The following RALGDS variants were observed in gnomAD, a reference collection of about 807,000 sequenced individuals.
The protein encoded by RALGDS is ral guanine nucleotide exchange factor.
RALGDS carries 44 observed loss-of-function variants against 99.8 expected under a neutral mutation model. That is an observed-to-expected ratio of 0.44 (90% confidence interval 0.35 to 0.57). The LOEUF (loss-of-function observed/expected upper bound fraction) is 0.57. RALGDS is among the 20% of genes least tolerant of loss of function. The pLI is 0.01. For synonymous variants in RALGDS, 529 were observed against 505.0 expected, an observed-to-expected ratio of 1.05 and a Z score of -0.64; for missense variants, 1,022 against 1,203.1, an observed-to-expected ratio of 0.85 and a Z score of 2.23.
At chr9:133,146,971 G>A (rs1448593890) in intron 1 of RALGDS, among the ~76,000 whole-genome samples, 2 of 152,220 alleles carry the variant, frequency 1.3e-5, no homozygotes, top group African/African-American at 4.8e-5. Flanking sequence ...TGAGACCTGG[G>A]GGCAGAGGCA....
Position 133,101,537 on chromosome 9 carries a change from T to G in RALGDS, c.2437A>C (p.Met813Leu), listed in dbSNP as rs773910354. 1 of 1,612,214 alleles carries G rather than the reference T, an allele frequency of 6.2e-7. No homozygotes were observed. The highest frequency in any genetic ancestry group is 1.1e-5 in the South Asian group (1 of 91,090). The change falls in exon 16 of 18, where the codon ATG becomes CTG. Residue 813 changes from methionine (M) to leucine (L), a missense_variant. Coordinates refer to ENST00000372050, the MANE Select transcript of RALGDS (RefSeq NM_006266.4). ...CGGCTTACCAGGATGCTCTTGTACA[T>G]GTTGCCATTGTCCACGTCCAGGCTG... Reference protein sequence around the residue: ...RVSLDVDNGNMYKSILVTSQD... With the variant: ...RVSLDVDNGNLYKSILVTSQD...
rs548991085 is a variant in RALGDS, at chr9:133,136,917, C to T, written c.18+12046G>A. 5.3e-5 allele frequency among the ~76,000 whole-genome samples: 8 copies of T among 151,996 alleles called. No homozygotes were observed. The South Asian group carries it at 6.2e-4, about 12-fold the overall frequency. The stretch of plus-strand genomic sequence containing the variant: ...GCACCACTGCATACTCCAGCCTAGG[C>T]GACAGAGCAAGACTTCGTCTCAAAA... On this transcript the variant is annotated intron_variant, in intron 1 of 17. Coordinates refer to the RALGDS transcript ENST00000393160.
In RALGDS at chr9:133,110,451, G is replaced by C. The variant is rs762952765; in HGVS notation, c.333C>G (p.Cys111Trp). 1.9e-5 allele frequency: 30 copies of C among 1,613,276 alleles called. No individual in the cohort carries two copies. Among genetic ancestry groups the C allele is most frequent in the African/African-American group, 4.0e-5 (3 of 74,934 alleles). Residue 111 changes from cysteine (C) to tryptophan (W), a missense_variant, in exon 3 of 18, where the codon TGC becomes TGG. Coordinates refer to ENST00000372050, the MANE Select transcript of RALGDS (RefSeq NM_006266.4). The stretch of plus-strand genomic sequence containing the variant: ...TGCCAGCCTTCACGGTCCGCACCTT[G>C]CAAGTCTCATAAAGGTTCAGGGCCG... ...NESALNLYET[C>W]KVRTVKAGTL...
intron 1 of RALGDS, among the ~76,000 whole-genome samples, chr9:133,138,615 T>G (rs1308445783): frequency 6.6e-6 from 1 of 152,188 alleles, no homozygotes; most frequent in Non-Finnish European, 1.5e-5. Context: ...GCCCTCCTCA[T>G]GGTCACGGCT....
rs563966221 is a variant in RALGDS, at chr9:133,144,067, T to TG, written c.18+4895dup. 8.5e-4 allele frequency among the ~76,000 whole-genome samples: 130 copies of TG among 152,136 alleles called. No homozygotes were observed. In the East Asian group the frequency reaches 0.025, roughly 29 times the overall value. ...CTGAGGCAGGGTCTGGGGCTGGGGT[T>TG]GGGGGGAAGGACCCCTCAAGTCTCT... On this transcript the variant is annotated intron_variant, in intron 1 of 17. Coordinates refer to the RALGDS transcript ENST00000393160. This position sits in a 1 kb window ranked among gnomAD's most constrained non-coding sequence, Gnocchi z 4.5.
chr9:133,132,115 CT>C (rs1832344518), upstream of RALGDS, among the ~76,000 whole-genome samples: 3 of 152,242 alleles, frequency 2.0e-5, no homozygotes, highest in Admixed American at 1.3e-4. Context: ...CTGCCCAGTG[CT>C]CAGAGTGTGG....
rs1336503155 is a variant in RALGDS at position 133,097,804 on chromosome 9, TAAAC to T, written c.*779_*782del. ...ATAAATATTGCCCCTCCCCAATCAG[TAAAC>T]AAACATTTTTTTTTTCTTTTTGCTT... is the stretch of plus-strand genomic sequence containing the variant. On this transcript the variant is annotated 3_prime_UTR_variant, in exon 18 of 18. Transcript: ENST00000372050. 4.9e-5 allele frequency: 11 copies of T among 225,420 alleles called. No homozygotes were observed. Among genetic ancestry groups the T allele is most frequent in the East Asian group, 4.5e-4 (7 of 15,648 alleles). 14.0% of individuals were successfully genotyped at this position (225,420 alleles called of 1,614,324 possible).
At position 133,097,864 on chromosome 9, in the gene RALGDS, A is replaced by G. The variant is rs1432420677; in HGVS notation, c.*723T>C. On this transcript the variant is annotated 3_prime_UTR_variant, in exon 18 of 18. Coordinates refer to ENST00000372050, the MANE Select transcript of RALGDS (RefSeq NM_006266.4). ...ACAAATATTCAATCACCCCACCCCC[A>G]CCCCAAATCCTCCTTCCTCACTAAC... The G allele has an allele frequency of 1.4e-5, 2 of 140,380 alleles. No homozygotes were observed. The highest frequency in any genetic ancestry group is 1.7e-4 in the East Asian group (2 of 12,046). The allele number at this position is 140,380 out of a possible 1,614,324, so 8.7% of individuals were successfully genotyped here.
chr9:133,104,715 G>A (rs1267154185), intron 9 of RALGDS: 1 of 228,156 alleles, frequency 4.4e-6, no homozygotes, highest in African/African-American at 2.3e-5. Context: ...GGGAAGCTGA[G>A]GCAGGAGAAT....
At chr9:133,135,293 AT>A (rs757950575), upstream of RALGDS, among the ~76,000 whole-genome samples, 2 of 152,182 alleles carry the variant, frequency 1.3e-5, no homozygotes, top group Non-Finnish European at 2.9e-5. Flanking sequence ...GGCTGTGCTT[AT>A]TTTGGCAGTT....
intron 2 of RALGDS, among the ~76,000 whole-genome samples, 183 bp downstream of exon 2, chr9:133,111,859 G>A (rs1255121748): frequency 1.3e-5 from 2 of 152,194 alleles, no homozygotes; most frequent in African/African-American, 4.8e-5. Flanking sequence ...TGAGGCTGAT[G>A]GCTGCACACC....
intron 1 of RALGDS, among the ~76,000 whole-genome samples, chr9:133,146,776 T>C (rs1435485827): frequency 6.6e-6 from 1 of 152,242 alleles, no homozygotes; most frequent in Non-Finnish European, 1.5e-5. Context: ...TGAGTTCTGA[T>C]GCCGTGAGCT....
At position 133,098,558 on chromosome 9, in the gene RALGDS, C is replaced by A. The variant is rs760169037; in HGVS notation, c.*29G>T. ...ACTCTGGTCCATAAGTGCTTGGCTACCAGCCAGCCAGACCCTGGGAGGATG... is the reference window on the plus strand; with the variant it reads ...ACTCTGGTCCATAAGTGCTTGGCTAACAGCCAGCCAGACCCTGGGAGGATG... On this transcript the variant is annotated 3_prime_UTR_variant, in exon 18 of 18. Transcript: ENST00000372050. The A allele has an allele frequency of 1.2e-6, 2 of 1,612,474 alleles. No individual in the cohort carries two copies. Among genetic ancestry groups the A allele is most frequent in the Admixed American group, 1.7e-5 (1 of 59,978 alleles).
At chr9:133,133,609 C>G (rs1353614342), upstream of RALGDS, among the ~76,000 whole-genome samples, 10 of 152,212 alleles carry the variant, frequency 6.6e-5, no homozygotes, top group Non-Finnish European at 1.2e-4. Flanking sequence ...CACCGCAACT[C>G]TGGCTGCCTT....
At chr9:133,114,054 G>A (rs1310474509) in intron 1 of RALGDS, among the ~76,000 whole-genome samples, 1 of 152,224 alleles carries the variant, frequency 6.6e-6, no homozygotes, top group East Asian at 1.9e-4. Flanking sequence ...CAGGTCTAGA[G>A]AGCGGCTCCT....
intron 8 of RALGDS, 60 bp from the exon 9 acceptor site, chr9:133,106,076 C>T (rs1831037483): frequency 2.2e-6 from 3 of 1,351,350 alleles, no homozygotes; most frequent in Non-Finnish European, 3.1e-6. Context: ...GGTGTGAGTG[C>T]AAATCCGTTT....
At chr9:133,142,821 G>A (rs555307891) in intron 1 of RALGDS, among the ~76,000 whole-genome samples, 33 of 152,304 alleles carry the variant, frequency 2.2e-4, no homozygotes, top group South Asian at 4.1e-4. Context: ...TCCCAGCCCC[G>A]CCCTGCCCAG....
intron 1 of RALGDS, among the ~76,000 whole-genome samples, chr9:133,129,879 G>A (rs1248949159): frequency 4.0e-5 from 6 of 149,144 alleles, no homozygotes; most frequent in Admixed American, 6.8e-5. Flanking sequence ...GCAGTGGTGC[G>A]ACCTCGGCTC....
intron 1 of RALGDS, among the ~76,000 whole-genome samples, chr9:133,145,146 T>C (rs1297382308): frequency 6.6e-6 from 1 of 152,174 alleles, no homozygotes; most frequent in African/African-American, 2.4e-5. Context: ...TTTAGAACTG[T>C]GAGAGAATAC....
Sources: gnomAD v4.1 joint callset for allele counts (sites outside exome capture counted in the v4.1 genomes callset) on GRCh38, gnomAD v4.1.1 for gene constraint, Gnocchi (gnomAD v3.1) non-coding constraint, MANE v1.5 for transcripts, NCBI Gene and HGNC (gene_info 2026-07-23, HGNC 2026-07-21) for gene names.